The following P2RY8 variants were observed in gnomAD, a reference collection of about 807,000 sequenced individuals.
P2RY8 encodes the protein P2Y receptor family member 8.
In P2RY8, 6 loss-of-function variants were observed where a neutral mutation model predicts 10.0. The ratio of observed to expected loss-of-function variants is 0.60; its 90% confidence interval spans 0.33 to 1.19. The LOEUF is 1.19. Ranked by LOEUF, P2RY8 falls within the 50% of genes most tolerant of loss-of-function variation. The pLI, the probability that P2RY8 is intolerant of heterozygous loss-of-function variation, is 0.04. For missense variants in P2RY8, 456 were observed against 542.0 expected, an observed-to-expected ratio of 0.84 and a Z score of 1.58; for synonymous variants, 276 against 252.5, an observed-to-expected ratio of 1.09 and a Z score of -0.88.
intron 1 of P2RY8, among the ~76,000 whole-genome samples, chrX:1,466,858 TCTTCCCTCCTTC>T (rs781461123): frequency 1.4e-3 from 187 of 135,218 alleles, no homozygotes; most frequent in Non-Finnish European, 2.2e-3. Flanking sequence ...TTCCTTCTCT[TCTTCCCTCCTTC>T]CTTCCTTCCT....
At chrX:1,515,669 C>T (rs2092341308) in intron 1 of P2RY8, among the ~76,000 whole-genome samples, 1 of 151,962 alleles carries the variant, frequency 6.6e-6, no homozygotes, top group Admixed American at 6.6e-5. Context: ...CTGTACCCAG[C>T]CATTTAGGAT....
chrX:1,510,219 A>G (rs2092289030), intron 1 of P2RY8, among the ~76,000 whole-genome samples: 1 of 152,152 alleles, frequency 6.6e-6, no homozygotes, highest in African/African-American at 2.4e-5. Flanking sequence ...CTCAATATCT[A>G]TCAATCATCG....
At chrX:1,533,618 A>C (rs1484613553) in intron 1 of P2RY8, among the ~76,000 whole-genome samples, 1 of 75,792 alleles carries the variant, frequency 1.3e-5, no homozygotes, top group Non-Finnish European at 2.5e-5. Flanking sequence ...TATATTATAT[A>C]TTTATATATT....
At chrX:1,491,959 G>A (rs1393544509) in intron 1 of P2RY8, among the ~76,000 whole-genome samples, 1 of 152,216 alleles carries the variant, frequency 6.6e-6, no homozygotes, top group Non-Finnish European at 1.5e-5. Context: ...GAAGGCGGCA[G>A]GGGCAGTGTG....
intron 1 of P2RY8, among the ~76,000 whole-genome samples, chrX:1,482,152 G>C (rs1413478884): frequency 9.0e-6 from 1 of 111,450 alleles, no homozygotes; most frequent in Non-Finnish European, 1.8e-5. Flanking sequence ...AAATTAATTT[G>C]TGTGTGTGGT....
intron 1 of P2RY8, among the ~76,000 whole-genome samples, chrX:1,491,455 T>A (rs760602136): frequency 3.9e-5 from 6 of 152,232 alleles, no homozygotes; most frequent in African/African-American, 1.4e-4. Context: ...AACGAATGGG[T>A]GAATACATAA....
intron 1 of P2RY8, among the ~76,000 whole-genome samples, chrX:1,500,027 T>C (rs2092160833): frequency 1.2e-5 from 1 of 80,320 alleles, no homozygotes; most frequent in African/African-American, 2.8e-5. Flanking sequence ...CCCAGCTAAT[T>C]TTTTGTATTT....
intron 1 of P2RY8, among the ~76,000 whole-genome samples, chrX:1,477,537 T>C (rs1214890848): frequency 8.7e-6 from 1 of 115,384 alleles, no homozygotes; most frequent in Non-Finnish European, 1.8e-5. Flanking sequence ...CAATCACATA[T>C]ACGTGTTCAT....
chrX:1,523,978 A>G (rs1272887602), intron 1 of P2RY8, among the ~76,000 whole-genome samples: 1 of 152,220 alleles, frequency 6.6e-6, no homozygotes, highest in African/African-American at 2.4e-5. Flanking sequence ...GGCATGAGCC[A>G]CTGTGCCCGG....
chrX:1,522,749 C>T (rs1320889927), intron 1 of P2RY8, among the ~76,000 whole-genome samples: 4 of 151,808 alleles, frequency 2.6e-5, no homozygotes, highest in African/African-American at 9.7e-5. Flanking sequence ...CCAGCCTGGG[C>T]AACAGAGCAA....
In P2RY8 at chrX:1,463,836, C is replaced by T. The variant is rs113867214; in HGVS notation, c.*1643G>A. ...GGCCTCCTGCTTTGTGTCTGTGTCT[C>T]CTCTTCCGTCTCTCATAGGGACACT... On this transcript the variant is annotated 3_prime_UTR_variant, in exon 2 of 2. Transcript: ENST00000381297. 10,039 of 233,226 alleles carry T rather than the reference C, an allele frequency of 0.043. 731 individuals carry two copies. The highest frequency in any genetic ancestry group is 0.18 in the African/African-American group (8,092 of 45,412). 14.4% of individuals were successfully genotyped at this position (233,226 alleles called of 1,614,324 possible).
chrX:1,514,288 G>GACACC (rs2092321673), intron 1 of P2RY8, among the ~76,000 whole-genome samples: 1 of 151,862 alleles, frequency 6.6e-6, no homozygotes, highest in Non-Finnish European at 1.5e-5. Flanking sequence ...GCTTGGTATG[G>GACACC]ACACCCGCCC....
chrX:1,491,070 T>C (rs2149390994), intron 1 of P2RY8, among the ~76,000 whole-genome samples: 1 of 150,280 alleles, frequency 6.7e-6, no homozygotes, highest in East Asian at 2.0e-4. Context: ...GAATGAATGA[T>C]ACCCAGATAT....
chrX:1,513,817 GC>G (rs1178764894), intron 1 of P2RY8, among the ~76,000 whole-genome samples: 13 of 150,978 alleles, frequency 8.6e-5, no homozygotes, highest in African/African-American at 3.2e-4. Flanking sequence ...TGGGCTTGTG[GC>G]CCCATCACTC....
intron 1 of P2RY8, among the ~76,000 whole-genome samples, chrX:1,493,395 G>GGGAAGGAGGAGGAAGGA (rs1569537364): frequency 3.7e-5 from 2 of 54,602 alleles, no homozygotes; most frequent in Non-Finnish European, 7.9e-5. Context: ...GAGGGAGGGA[G>GGGAAGGAGGAGGAAGGA]GGAAGGAGGA....
At chrX:1,475,961 T>G (rs759870102) in intron 1 of P2RY8, among the ~76,000 whole-genome samples, 1 of 152,178 alleles carries the variant, frequency 6.6e-6, no homozygotes, top group East Asian at 1.9e-4. Flanking sequence ...ACCACTAGGG[T>G]AGGGAAGGAA....
At chrX:1,535,022 G>A (rs1439984200) in intron 1 of P2RY8, among the ~76,000 whole-genome samples, 4 of 151,846 alleles carry the variant, frequency 2.6e-5, no homozygotes, top group Non-Finnish European at 4.4e-5. Context: ...CGTCCCGTAC[G>A]TCCCATGCAC....
rs779952621 is a variant in P2RY8 at position 1,505,200 on chromosome X, G to A, written c.-25+31721C>T. Among the ~76,000 whole-genome samples, 49 of 151,706 alleles carry A rather than the reference G, an allele frequency of 3.2e-4. No individual in the cohort carries two copies. In the South Asian group the frequency reaches 9.8e-3, roughly 30 times the overall value. On this transcript the variant is annotated intron_variant, in intron 1 of 1. Transcript: ENST00000381297. The stretch of plus-strand genomic sequence containing the variant: ...CCTCAAATTGGAAACGTGAATCAGG[G>A]CGTCTCAGAGGACCTGAGCTGGGTT...
At chrX:1,504,631 C>G (rs1452671430) in intron 1 of P2RY8, among the ~76,000 whole-genome samples, 3 of 152,098 alleles carry the variant, frequency 2.0e-5, no homozygotes, top group African/African-American at 7.2e-5. Context: ...GCAGGTGGAT[C>G]ACTTGAGGTT....
Sources: allele counts gnomAD v4.1 joint callset (sites outside exome capture counted in the v4.1 genomes callset), GRCh38; gene constraint gnomAD v4.1.1; transcripts MANE v1.5; gene names NCBI Gene and HGNC (gene_info 2026-07-23, HGNC 2026-07-21).